Variants in HUWE1 observed in about 807,000 individuals in gnomAD.
HUWE1 encodes the protein HECT, UBA and WWE domain containing E3 ubiquitin protein ligase 1.
Under a neutral mutation model 299.4 loss-of-function variants are expected in HUWE1, and 18 were observed. The ratio of observed to expected loss-of-function variants is 0.06; its 90% confidence interval spans 0.04 to 0.09. The LOEUF (loss-of-function observed/expected upper bound fraction) is 0.09, where lower values mean the gene tolerates loss of function less well. Among genes scored for constraint, HUWE1 ranks in the 10% least tolerant of loss-of-function variants. The pLI is 1.00. For missense variants in HUWE1, 1,832 were observed against 3,462.3 expected, an observed-to-expected ratio of 0.53 and a Z score of 11.82; for synonymous variants, 1,317 against 1,286.1, an observed-to-expected ratio of 1.02 and a Z score of -0.51.
At chrX:53,642,581 T>C (rs1019882311) in intron 7 of HUWE1, among the ~76,000 whole-genome samples, 18 of 112,184 alleles carry the variant, frequency 1.6e-4, no homozygotes, top group African/African-American at 5.5e-4. Context: ...CTTTGAAATA[T>C]ATACCCATGA....
At chrX:53,636,325 T>C (rs781947451) in intron 7 of HUWE1, among the ~76,000 whole-genome samples, 1 of 112,607 alleles carries the variant, frequency 8.9e-6, no homozygotes, top group South Asian at 3.7e-4. Flanking sequence ...TTCAAGTCTA[T>C]CAGAACTCTA....
Position 53,647,433 on chromosome X carries a change from C to A in HUWE1, c.286G>T (p.Val96Leu). 8.3e-7 allele frequency: 1 copy of A among 1,210,429 alleles called. No individual in the cohort carries two copies. ...ATGAGCAAGGCTGTGAAGTTCAACA[C>A]AGCCAAGAGAAGCATTTTCAGTTGC... ...REQLKMLLLA[V>L]LNFTALLIEY... The change falls in exon 6 of 84, where the codon GTG (valine) becomes TTG (leucine). Residue 96 changes from valine (V) to leucine (L), a missense_variant. By Grantham distance (32) the Val-to-Leu change is conservative. Transcript: ENST00000262854.
At chrX:53,600,551 T>C (rs1556989433) in intron 28 of HUWE1, among the ~76,000 whole-genome samples, 1 of 112,460 alleles carries the variant, frequency 8.9e-6, no homozygotes, top group Non-Finnish European at 1.9e-5. Context: ...CAGGGCTACC[T>C]TGGAAGACTG....
intron 79 of HUWE1, 48 bp downstream of exon 79, chrX:53,536,332 C>G: frequency 8.4e-7 from 1 of 1,187,770 alleles, no homozygotes; most frequent in South Asian, 1.8e-5. Context: ...ACAAAAAGAC[C>G]AGACCCCCAG....
chrX:53,615,307 A>T (rs1201791069), intron 22 of HUWE1, among the ~76,000 whole-genome samples: 2 of 109,064 alleles, frequency 1.8e-5, no homozygotes, highest in Admixed American at 2.0e-4. Context: ...GGCTCACTAC[A>T]ACCTCCGCCT....
chrX:53,539,320 T>A lies in HUWE1; in HGVS notation c.11633-240A>T, dbSNP rs1398957245. On this transcript the variant is annotated intron_variant, in intron 75 of 83. Transcript: ENST00000262854. ...ACATAGTGAGACCTCATTTCTGATTTAAAAAAAAAAAAAAAAAAAAAAAAG... is the reference window on the plus strand; with the variant it reads ...ACATAGTGAGACCTCATTTCTGATTAAAAAAAAAAAAAAAAAAAAAAAAAG... 3.8e-5 allele frequency among the ~76,000 whole-genome samples: 2 copies of A among 52,836 alleles called. No homozygotes were observed. Among genetic ancestry groups the A allele is most frequent in the Non-Finnish European group, 6.8e-5 (2 of 29,388 alleles). 45.9% of individuals were successfully genotyped at this position (52,836 alleles called of 115,157 possible).
chrX:53,667,586 T>C (rs950235756), intron 3 of HUWE1, among the ~76,000 whole-genome samples: 1 of 112,248 alleles, frequency 8.9e-6, no homozygotes, highest in Non-Finnish European at 1.9e-5. Context: ...CAAGTATGCT[T>C]TCTACTAAAT....
chrX:53,683,512 C>G (rs782308612), intron 2 of HUWE1, among the ~76,000 whole-genome samples: 3 of 111,266 alleles, frequency 2.7e-5, no homozygotes, highest in African/African-American at 9.8e-5. Flanking sequence ...AACCCCACTC[C>G]CCAGCGAACT....
At chrX:53,678,768 A>T (rs1272065120) in intron 3 of HUWE1, among the ~76,000 whole-genome samples, 1 of 112,139 alleles carries the variant, frequency 8.9e-6, no homozygotes. Context: ...AACATTATAA[A>T]GTAGTATAAA....
chrX:53,627,073 A>G (rs2148999015), intron 17 of HUWE1, among the ~76,000 whole-genome samples: 1 of 111,627 alleles, frequency 9.0e-6, no homozygotes, highest in Non-Finnish European at 1.9e-5. Context: ...AGTGAAAAAG[A>G]CAATATCCTG....
intron 70 of HUWE1, 111 bp from the exon 71 acceptor site, chrX:53,545,272 G>A: frequency 1.3e-6 from 1 of 750,700 alleles, no homozygotes; most frequent in East Asian, 3.5e-5. Context: ...CTCAGCTGCA[G>A]AGAACCTAGA....
At chrX:53,650,009 A>T (rs2149310144) in intron 4 of HUWE1, among the ~76,000 whole-genome samples, 1 of 112,025 alleles carries the variant, frequency 8.9e-6, no homozygotes, top group South Asian at 3.7e-4. Flanking sequence ...GCTTGCCAAA[A>T]GCACAACATG....
In HUWE1 at chrX:53,594,742, A is replaced by G. The variant is rs189819021; in HGVS notation, c.3381-121T>C. Reference sequence around the variant, plus strand: ...ACTGAAGTGACACCTCCCACCTACTAAAGAATACAGGATGAGTATCCCTAT... The same window carrying G: ...ACTGAAGTGACACCTCCCACCTACTGAAGAATACAGGATGAGTATCCCTAT... On this transcript the variant is annotated intron_variant, in intron 30 of 83. Coordinates refer to ENST00000262854, the MANE Select transcript of HUWE1 (RefSeq NM_031407.7). The G allele has an allele frequency of 7.6e-5, 52 of 681,641 alleles. No homozygotes were observed. The African/African-American group carries it at 1.0e-3, about 14-fold the overall frequency. The allele number at this position is 681,641 out of a possible 1,213,427, so 56.2% of individuals were successfully genotyped here.
At chrX:53,606,912 C>T (rs957743020) in intron 25 of HUWE1, among the ~76,000 whole-genome samples, 3 of 111,370 alleles carry the variant, frequency 2.7e-5, no homozygotes, top group Admixed American at 9.6e-5. Context: ...TATGAATACA[C>T]ATAACACTAC....
chrX:53,648,164 T>A (rs1557037354), intron 5 of HUWE1, 48 bp downstream of exon 5: 1 of 783,790 alleles, frequency 1.3e-6, no homozygotes, highest in Non-Finnish European at 2.0e-6. Context: ...TACAAAATGA[T>A]GTATTAGTAT....
chrX:53,559,557 G>C, intron 56 of HUWE1, 25 bp from the exon 57 acceptor site: 2 of 1,189,704 alleles, frequency 1.7e-6, no homozygotes, highest in Non-Finnish European at 2.3e-6. Context: ...TGGGTACCAT[G>C]ATCACTGTTA....
rs782564558 is a variant in HUWE1, at chrX:53,533,135, TGAG to T, written c.*171_*173del. On this transcript the variant is annotated 3_prime_UTR_variant, in exon 84 of 84. Transcript: ENST00000262854. ...GAGGAAACAGGCGGCGGGGAGAGAATGAGAAGAGGAACAGGTATGCGCTGGGGA... is the reference window on the plus strand; with the variant it reads ...GAGGAAACAGGCGGCGGGGAGAGAATAAGAGGAACAGGTATGCGCTGGGGA... The T allele has an allele frequency of 6.7e-6, 3 of 449,257 alleles. No individual in the cohort carries two copies. Among genetic ancestry groups the T allele is most frequent in the African/African-American group, 5.0e-5 (2 of 39,931 alleles). The allele number at this position is 449,257 out of a possible 1,213,427, so 37.0% of individuals were successfully genotyped here.
In HUWE1 at chrX:53,580,939, T is replaced by C; in HGVS notation, c.5608A>G (p.Ile1870Val). Reference sequence around the variant, plus strand: ...GCGGCTGGCCCAAGGACACGAAGGATGTAGTTGATCTCCCGAGAGCCGAGG... The same window carrying C: ...GCGGCTGGCCCAAGGACACGAAGGACGTAGTTGATCTCCCGAGAGCCGAGG... ...GSLGSREINYILRVLGPAACR... is the reference protein window; with the variant it reads ...GSLGSREINYVLRVLGPAACR... Residue 1870 changes from isoleucine (I) to valine (V), a missense_variant, in exon 43 of 84, where the codon ATC (isoleucine) becomes GTC (valine). By Grantham distance (29) the Ile-to-Val change is conservative. Around this residue, in one of 15 missense-constraint regions of HUWE1, gnomAD observed 50 missense variants for 114.9 expected, o/e 0.44. Coordinates refer to ENST00000262854, the MANE Select transcript of HUWE1 (RefSeq NM_031407.7). The C allele has an allele frequency of 8.3e-7, 1 of 1,211,056 alleles. No homozygotes were observed. The highest frequency in any genetic ancestry group is 1.1e-6 in the Non-Finnish European group (1 of 895,110).
intron 43 of HUWE1, 95 bp downstream of exon 43, chrX:53,580,736 G>A: frequency 1.2e-6 from 1 of 848,415 alleles, no homozygotes; most frequent in Non-Finnish European, 1.7e-6. Context: ...TGCCTAAGGA[G>A]GCTCTTCAAG....
Sources: gnomAD v4.1 joint callset for allele counts (sites outside exome capture counted in the v4.1 genomes callset) on GRCh38, gnomAD v4.1.1 for gene constraint, gnomAD v4.1.1 regional missense constraint, MANE v1.5 for transcripts, NCBI Gene and HGNC (gene_info 2026-07-23, HGNC 2026-07-21) for gene names.